The following USP12 variants were observed in gnomAD, a reference collection of about 807,000 sequenced individuals.
The protein encoded by USP12 is ubiquitin carboxyl-terminal hydrolase 12.
In USP12, 19 loss-of-function variants were observed where a neutral mutation model predicts 45.5. That is an observed-to-expected ratio of 0.42 (90% CI 0.29 to 0.61). The LOEUF (loss-of-function observed/expected upper bound fraction) is 0.61. Among genes scored for constraint, USP12 ranks in the 20% least tolerant of loss-of-function variants. The pLI, the probability that USP12 is intolerant of heterozygous loss-of-function variation, is 0.22. For synonymous variants in USP12, 149 were observed against 148.8 expected (o/e 1.00, Z -0.01); for missense variants, 242 against 447.7 (o/e 0.54, Z 4.15).
rs138218008 is a variant in USP12 at position 27,093,244 on chromosome 13, C to T, written c.573+2357G>A. ...TGTTAAAAGAATGAAAAACAAGTCA[C>T]GGACTGGGAGAAAATATTTGCCAAA... On this transcript the variant is annotated intron_variant, in intron 4 of 8. Transcript: ENST00000282344. Among the ~76,000 whole-genome samples, 909 of 150,760 alleles carry T rather than the reference C, an allele frequency of 6.0e-3. 4 individuals are homozygous for T. Among genetic ancestry groups the T allele is most frequent in the Middle Eastern group, 0.014 (4 of 288 alleles).
chr13:27,143,688 C>G (rs530514220), intron 1 of USP12, among the ~76,000 whole-genome samples: 3 of 152,326 alleles, frequency 2.0e-5, no homozygotes, highest in African/African-American at 7.2e-5. Flanking sequence ...CAACTGCCAT[C>G]ATGTTCCACA....
chr13:27,106,353 C>T (rs563131507), intron 2 of USP12, among the ~76,000 whole-genome samples: 1 of 138,938 alleles, frequency 7.2e-6, no homozygotes, highest in South Asian at 2.6e-4. Context: ...TATGTCACTA[C>T]ATCTTACTGA....
chr13:27,113,721 C>G (rs1875578239), intron 2 of USP12, among the ~76,000 whole-genome samples: 1 of 152,192 alleles, frequency 6.6e-6, no homozygotes, highest in African/African-American at 2.4e-5. Context: ...TTGGTACAGT[C>G]TAGGCAGAGG....
chr13:27,135,629 T>C lies in USP12; in HGVS notation c.49-19033A>G, dbSNP rs1876767777. The stretch of plus-strand genomic sequence containing the variant: ...ACTAGGGAGGCTGAGACATGAAAAT[T>C]GTTTGAACCAGGGTGGCAAAGGTTG... On this transcript the variant is annotated intron_variant, in intron 1 of 8. Coordinates refer to ENST00000282344, the MANE Select transcript of USP12 (RefSeq NM_182488.4). Among the ~76,000 whole-genome samples the C allele has an allele frequency of 2.6e-5, 4 of 152,138 alleles. No homozygotes were observed. In the South Asian group the frequency reaches 8.3e-4, roughly 32 times the overall value.
At chr13:27,148,813 C>CACACACACACACACACACACACACAA (rs1237028314) in intron 1 of USP12, among the ~76,000 whole-genome samples, 99 of 150,890 alleles carry the variant, frequency 6.6e-4, no homozygotes, top group African/African-American at 1.8e-3. Flanking sequence ...CACACACACA[C>CACACACACACACACACACACACACAA]AAAAATCAGG....
intron 7 of USP12, among the ~76,000 whole-genome samples, chr13:27,073,776 A>T (rs1375022928): frequency 6.6e-6 from 1 of 152,232 alleles, no homozygotes; most frequent in Non-Finnish European, 1.5e-5. Context: ...TAACAAAGCA[A>T]TGTGGTAATT....
intron 1 of USP12, among the ~76,000 whole-genome samples, chr13:27,139,374 G>A (rs1234186110): frequency 1.3e-5 from 2 of 152,186 alleles, no homozygotes; most frequent in East Asian, 3.8e-4. Flanking sequence ...CCAGCACTTT[G>A]GAAGGCGGAG....
intron 1 of USP12, among the ~76,000 whole-genome samples, chr13:27,140,391 C>T (rs561297557): frequency 1.3e-5 from 2 of 152,168 alleles, no homozygotes; most frequent in African/African-American, 4.8e-5. Context: ...TGAAAACACA[C>T]AGTCAAAACT....
intron 1 of USP12, among the ~76,000 whole-genome samples, chr13:27,132,438 G>GAAAAGA (rs567814763): frequency 1.3e-5 from 2 of 149,750 alleles, no homozygotes; most frequent in Admixed American, 6.6e-5. Context: ...CAAAAAAAAA[G>GAAAAGA]AAAAGAAAAA....
intron 1 of USP12, among the ~76,000 whole-genome samples, chr13:27,164,709 T>C (rs749818011): frequency 2.0e-5 from 3 of 152,212 alleles, no homozygotes; most frequent in Non-Finnish European, 4.4e-5. Context: ...GGGACTCCAA[T>C]AGAGAGTTTT....
rs568974012 is a variant in USP12 at position 27,108,211 on chromosome 13, T to C, written c.130-2267A>G. Among the ~76,000 whole-genome samples the C allele has an allele frequency of 2.6e-5, 4 of 151,834 alleles. No individual in the cohort carries two copies. The South Asian group carries it at 6.3e-4, about 24-fold the overall frequency. ...TGGAATACTATGCAGCCATAAAAAA[T>C]GATGAGTTCATGTCCTTTGTAGGGA... is the stretch of plus-strand genomic sequence containing the variant. On this transcript the variant is annotated intron_variant, in intron 2 of 8. Transcript: ENST00000282344.
At chr13:27,126,663 T>C (rs1876252631) in intron 1 of USP12, among the ~76,000 whole-genome samples, 1 of 152,112 alleles carries the variant, frequency 6.6e-6, no homozygotes, top group African/African-American at 2.4e-5. Context: ...CTGCCTCAGT[T>C]TTCTCATCAG....
chr13:27,143,585 GGTAATCT>G, intron 1 of USP12, among the ~76,000 whole-genome samples: 1 of 152,126 alleles, frequency 6.6e-6, no homozygotes, highest in Admixed American at 6.5e-5. Context: ...CAGATTACAT[GGTAATCT>G]GCAAAGTGAA....
Position 27,138,679 on chromosome 13 carries a change from C to T in USP12, c.49-22083G>A, listed in dbSNP as rs112992687. Among the ~76,000 whole-genome samples the T allele has an allele frequency of 7.9e-3, 1,205 of 152,308 alleles. 13 individuals carry two copies. The highest frequency in any genetic ancestry group is 0.027 in the African/African-American group (1,131 of 41,558). ...GACTGGTTTCACTTCAAGATGGTGT[C>T]ACTCTTGCCATGTGACAGGCTGTTT... is the stretch of plus-strand genomic sequence containing the variant. On this transcript the variant is annotated intron_variant, in intron 1 of 8. Transcript: ENST00000282344.
chr13:27,113,058 A>AC (rs1875532410), intron 2 of USP12, among the ~76,000 whole-genome samples: 1 of 152,064 alleles, frequency 6.6e-6, no homozygotes, highest in Non-Finnish European at 1.5e-5. Context: ...ATATAGTGAG[A>AC]CCCCATCTCT....
intron 1 of USP12, among the ~76,000 whole-genome samples, chr13:27,126,087 C>T (rs1186554064): frequency 1.9e-4 from 29 of 152,252 alleles, no homozygotes; most frequent in Admixed American, 6.5e-5. Flanking sequence ...CAGACGTAAA[C>T]GTCCCTGCCT....
At chr13:27,155,063 C>A (rs2137835894) in intron 1 of USP12, among the ~76,000 whole-genome samples, 3 of 118,232 alleles carry the variant, frequency 2.5e-5, no homozygotes, top group East Asian at 2.4e-4. Flanking sequence ...CTGATGTCCA[C>A]AACTTTTTTT....
intron 1 of USP12, among the ~76,000 whole-genome samples, chr13:27,162,393 C>A (rs1878150083): frequency 2.0e-5 from 3 of 152,146 alleles, no homozygotes; most frequent in Admixed American, 1.3e-4. Flanking sequence ...ACACATTGCC[C>A]TGTAGATGTC....
At chr13:27,099,793 A>G (rs1237303756) in intron 3 of USP12, among the ~76,000 whole-genome samples, 2 of 152,202 alleles carry the variant, frequency 1.3e-5, no homozygotes, top group Non-Finnish European at 2.9e-5. Flanking sequence ...AACTGAAGCC[A>G]CAGTTCACTT....
Sources: allele counts gnomAD v4.1 joint callset (sites outside exome capture counted in the v4.1 genomes callset), GRCh38; gene constraint gnomAD v4.1.1; transcripts MANE v1.5; gene names NCBI Gene and HGNC (gene_info 2026-07-23, HGNC 2026-07-21).